PPP2R2B: variants seen among roughly 807,000 people sequenced by gnomAD.
PPP2R2B encodes protein phosphatase 2 regulatory subunit Bbeta.
Under a neutral mutation model 46.0 loss-of-function variants are expected in PPP2R2B, and 5 were observed. That is an observed-to-expected ratio of 0.11 (90% confidence interval 0.06 to 0.23). The LOEUF is 0.23. Ranked by LOEUF, PPP2R2B falls within the 10% of genes least tolerant of loss-of-function variation. The pLI, the probability that PPP2R2B is intolerant of heterozygous loss-of-function variation, is 1.00. For synonymous variants in PPP2R2B, 215 were observed against 206.7 expected (o/e 1.04, Z -0.34); for missense variants, 367 against 575.0 (o/e 0.64, Z 3.70).
chr5:146,790,300 G>A (rs1023216368), intron 2 of PPP2R2B, among the ~76,000 whole-genome samples: 4 of 152,184 alleles, frequency 2.6e-5, no homozygotes, highest in South Asian at 2.1e-4. Flanking sequence ...TTGTGCTTCC[G>A]ATTGGCTTGA....
At chr5:147,066,845 C>T (rs140137943) in intron 2 of PPP2R2B, among the ~76,000 whole-genome samples, 1 of 152,206 alleles carries the variant, frequency 6.6e-6, no homozygotes, top group Non-Finnish European at 1.5e-5. Context: ...AGCCAGGCTT[C>T]ATCAAGAGCC....
chr5:146,835,869 A>C lies in PPP2R2B; in HGVS notation c.70+42133T>G, dbSNP rs114200239. On this transcript the variant is annotated intron_variant, in intron 2 of 9. Transcript: ENST00000394411. ...ACAGATGCTACTAATTCTGCATCAA[A>C]GACATCTTGGACATTATGCTAATTA... Among the ~76,000 whole-genome samples the C allele has an allele frequency of 7.7e-3, 1,166 of 152,338 alleles. 15 individuals carry two copies. Among genetic ancestry groups the C allele is most frequent in the African/African-American group, 0.027 (1,107 of 41,576 alleles).
intron 1 of PPP2R2B, among the ~76,000 whole-genome samples, chr5:146,902,355 GTC>G: frequency 6.6e-6 from 1 of 152,134 alleles, no homozygotes; most frequent in South Asian, 2.1e-4. Flanking sequence ...TCTGCAAAAT[GTC>G]TCTCAAACTC....
At chr5:146,840,999 A>G (rs1222136795) in intron 2 of PPP2R2B, among the ~76,000 whole-genome samples, 2 of 152,208 alleles carry the variant, frequency 1.3e-5, no homozygotes, top group African/African-American at 2.4e-5. Flanking sequence ...ATGCTGTATT[A>G]CAAGCATTAA....
chr5:146,878,196 C>G lies in PPP2R2B; in HGVS notation c.-124-1G>C. On this transcript the variant is annotated splice_acceptor_variant, in intron 1 of 9. Transcript: ENST00000394411. LOFTEE classifies it low-confidence loss of function (5UTR_SPLICE). The surrounding 1 kb of genome is among the most constrained non-coding windows in gnomAD (Gnocchi z 4.5). ...AGTGGGACTGCACCATGGTCCGAGC[C>G]TGAGGAGGAGACGGGGAGGCGGAGA... 1 of 1,582,596 alleles carries G rather than the reference C, an allele frequency of 6.3e-7. No homozygotes were observed. Among genetic ancestry groups the G allele is most frequent in the Non-Finnish European group, 8.6e-7 (1 of 1,163,824 alleles).
At chr5:146,638,547 C>A in intron 6 of PPP2R2B, 132 bp from the exon 7 acceptor site, 1 of 833,992 alleles carries the variant, frequency 1.2e-6, no homozygotes, top group South Asian at 2.6e-5. Flanking sequence ...AGATCCTCAT[C>A]ATAAACTTGT....
chr5:146,653,047 A>G (rs935817024), intron 5 of PPP2R2B, among the ~76,000 whole-genome samples: 23 of 152,204 alleles, frequency 1.5e-4, no homozygotes, highest in African/African-American at 5.1e-4. Flanking sequence ...TCTCTGTGTC[A>G]AGTATTCTTC....
Position 146,838,740 on chromosome 5 carries a change from C to T in PPP2R2B, c.70+39262G>A, listed in dbSNP as rs115235682. On this transcript the variant is annotated intron_variant, in intron 2 of 9. Transcript: ENST00000394411. ...CTAACACATTAATGATTAATAGGTA[C>T]GAATTTGTCCATCAAATCTTAAATA... 3.9e-3 allele frequency among the ~76,000 whole-genome samples: 597 copies of T among 152,240 alleles called. 2 individuals carry two copies. The highest frequency in any genetic ancestry group is 0.014 in the African/African-American group (565 of 41,530).
intron 5 of PPP2R2B, among the ~76,000 whole-genome samples, chr5:146,652,761 C>G (rs572427798): frequency 5.3e-4 from 2 of 3,776 alleles, no homozygotes; most frequent in Non-Finnish European, 2.9e-3. Flanking sequence ...GGAGGCAACA[C>G]CCCCCCCCAA....
At chr5:146,965,780 A>T (rs569984730) in intron 1 of PPP2R2B, among the ~76,000 whole-genome samples, 1 of 152,312 alleles carries the variant, frequency 6.6e-6, no homozygotes, top group African/African-American at 2.4e-5. Flanking sequence ...TCTTCTTAAA[A>T]TCCATAGCAG....
chr5:147,023,394 T>C (rs1755379380), intron 1 of PPP2R2B, among the ~76,000 whole-genome samples: 2 of 151,986 alleles, frequency 1.3e-5, no homozygotes, highest in Non-Finnish European at 2.9e-5. Context: ...AATAGCAAGA[T>C]GGTAAATTTA....
intron 2 of PPP2R2B, among the ~76,000 whole-genome samples, chr5:146,798,352 C>A (rs1756667817): frequency 6.6e-6 from 1 of 152,080 alleles, no homozygotes; most frequent in South Asian, 2.1e-4. Context: ...TGAAGGCTTC[C>A]CCAGCTGGTA....
chr5:147,019,789 C>T (rs148347904), intron 1 of PPP2R2B, among the ~76,000 whole-genome samples: 1 of 152,280 alleles, frequency 6.6e-6, no homozygotes, highest in East Asian at 1.9e-4. Context: ...TTAAAGCCAT[C>T]ACTTAAAGAT....
chr5:146,684,506 G>T (rs990669734), intron 5 of PPP2R2B, among the ~76,000 whole-genome samples: 16 of 152,230 alleles, frequency 1.1e-4, no homozygotes, highest in African/African-American at 3.6e-4. Flanking sequence ...TAGATACCTG[G>T]CCCCTCAGAG....
intron 1 of PPP2R2B, among the ~76,000 whole-genome samples, chr5:146,936,166 G>A (rs757194159): frequency 6.6e-5 from 10 of 152,074 alleles, no homozygotes; most frequent in African/African-American, 1.2e-4. Flanking sequence ...GACATTTTGG[G>A]GTAGGGTAAC....
chr5:146,781,309 A>G (rs947942850), intron 2 of PPP2R2B, among the ~76,000 whole-genome samples: 29 of 151,062 alleles, frequency 1.9e-4, no homozygotes, highest in African/African-American at 7.0e-4. Flanking sequence ...TAGCCACTAC[A>G]TTATCCTGCC....
chr5:146,804,160 C>G (rs1182783883), intron 2 of PPP2R2B, among the ~76,000 whole-genome samples: 1 of 149,786 alleles, frequency 6.7e-6, no homozygotes, highest in African/African-American at 2.5e-5. Flanking sequence ...GAGGGAGACT[C>G]TGTCTCAAAA....
chr5:147,066,747 T>C (rs1462857628), intron 2 of PPP2R2B, among the ~76,000 whole-genome samples: 1 of 152,042 alleles, frequency 6.6e-6, no homozygotes, highest in Non-Finnish European at 1.5e-5. Flanking sequence ...TAATCATGAT[T>C]TTTTTTTGTA....
intron 5 of PPP2R2B, among the ~76,000 whole-genome samples, chr5:146,665,475 G>C (rs1436738701): frequency 6.6e-6 from 1 of 152,216 alleles, no homozygotes; most frequent in Admixed American, 6.5e-5. Context: ...ACAAAAGAGA[G>C]AGCCTTGCTC....
Sources: gnomAD v4.1 joint callset for allele counts (sites outside exome capture counted in the v4.1 genomes callset) on GRCh38, gnomAD v4.1.1 for gene constraint, Gnocchi (gnomAD v3.1) non-coding constraint, MANE v1.5 for transcripts, NCBI Gene and HGNC (gene_info 2026-07-23, HGNC 2026-07-21) for gene names.